The following TENM2 variants were observed in gnomAD, a reference collection of about 807,000 sequenced individuals.
TENM2 encodes the protein teneurin-2.
A neutral mutation model predicts 245.2 loss-of-function variants in TENM2; 52 were observed. The ratio of observed to expected loss-of-function variants is 0.21; its 90% CI spans 0.17 to 0.27. The LOEUF is 0.27. Among genes scored for constraint, TENM2 ranks in the 10% least tolerant of loss-of-function variants. The pLI is 1.00. For synonymous variants in TENM2, 1,363 were observed against 1,438.9 expected (o/e 0.95, Z 1.19); for missense variants, 3,046 against 3,666.8 (o/e 0.83, Z 4.37).
rs373469596 is a variant in TENM2, at chr5:167,469,505, C to T, written c.502+94032C>T. On this transcript the variant is annotated intron_variant, in intron 2 of 28. Transcript: ENST00000518659. ...CTGCTATAGTAAATTATGGCTTTTC[C>T]GACATTTTCTAGAATATTTGTTATT... Among the ~76,000 whole-genome samples the T allele has an allele frequency of 6.6e-5, 10 of 152,012 alleles. No individual in the cohort carries two copies. In the South Asian group the frequency reaches 1.0e-3, roughly 16 times the overall value.
chr5:167,683,965 A>G (rs988154533), intron 2 of TENM2, among the ~76,000 whole-genome samples: 15 of 152,198 alleles, frequency 9.9e-5, no homozygotes, highest in Admixed American at 8.5e-4. Context: ...TGGCTCCCCA[A>G]GCTTTCAAAA....
At chr5:167,303,547 A>G (rs1009744131) in intron 1 of TENM2, among the ~76,000 whole-genome samples, 4 of 152,126 alleles carry the variant, frequency 2.6e-5, no homozygotes, top group Non-Finnish European at 5.9e-5. Context: ...GTCATCAGTT[A>G]AGGCAGGAAC....
At chr5:167,207,616 C>T in the TENM2 span, among the ~76,000 whole-genome samples, 2 of 152,226 alleles carry the variant, frequency 1.3e-5, no homozygotes, top group African/African-American at 4.8e-5. Flanking sequence ...AGAGTCCTCT[C>T]TGTTCCAGGC....
chr5:167,419,641 C>T (rs1763373516), intron 2 of TENM2, among the ~76,000 whole-genome samples: 1 of 152,154 alleles, frequency 6.6e-6, no homozygotes, highest in Non-Finnish European at 1.5e-5. Flanking sequence ...AGCACATCCC[C>T]TGACTAACAC....
intron 3 of TENM2, among the ~76,000 whole-genome samples, chr5:167,912,785 A>G (rs1776649014): frequency 1.3e-5 from 2 of 152,190 alleles, no homozygotes; most frequent in Admixed American, 1.3e-4. Flanking sequence ...CTTTTAGAAC[A>G]CTGATTTTGA....
intron 5 of TENM2, among the ~76,000 whole-genome samples, chr5:168,042,513 T>C (rs972309519): frequency 3.9e-5 from 6 of 152,084 alleles, no homozygotes; most frequent in African/African-American, 9.7e-5. Context: ...ACACATTCCC[T>C]AATTACTATT....
intron 5 of TENM2, among the ~76,000 whole-genome samples, chr5:168,021,758 T>C (rs565526178): frequency 5.6e-4 from 84 of 149,038 alleles, no homozygotes; most frequent in Non-Finnish European, 9.6e-4. Context: ...AAACAGACTG[T>C]CCTACATATT....
chr5:167,141,505 T>C, the TENM2 span, among the ~76,000 whole-genome samples: 1 of 152,098 alleles, frequency 6.6e-6, no homozygotes, highest in African/African-American at 2.4e-5. Context: ...GGGAATGAAA[T>C]TAAACAGGTT....
At chr5:168,064,491 T>A (rs1790325648) in intron 7 of TENM2, among the ~76,000 whole-genome samples, 1 of 152,142 alleles carries the variant, frequency 6.6e-6, no homozygotes, top group South Asian at 2.1e-4. Flanking sequence ...TTGGTAACTC[T>A]CTGTAACTGA....
chr5:167,095,782 T>TG, the TENM2 span, among the ~76,000 whole-genome samples: 1 of 151,464 alleles, frequency 6.6e-6, no homozygotes, highest in African/African-American at 2.4e-5. Flanking sequence ...TTTTTTTTTT[T>TG]TTTTGAGACA....
At chr5:167,104,815 TA>T in the TENM2 span, among the ~76,000 whole-genome samples, 4 of 152,258 alleles carry the variant, frequency 2.6e-5, no homozygotes, top group Non-Finnish European at 4.4e-5. Flanking sequence ...CTCCACCATT[TA>T]AAAAATATAT....
intron 2 of TENM2, among the ~76,000 whole-genome samples, chr5:167,571,566 A>G (rs1413697589): frequency 6.6e-6 from 1 of 152,032 alleles, no homozygotes; most frequent in Non-Finnish European, 1.5e-5. Context: ...AATGATATCC[A>G]CTCAGGGAAC....
At chr5:168,183,855 A>G (rs1488777209) in intron 13 of TENM2, among the ~76,000 whole-genome samples, 2 of 152,112 alleles carry the variant, frequency 1.3e-5, no homozygotes, top group Non-Finnish European at 2.9e-5. Context: ...AAGAAAAAAA[A>G]AACATAGAAA....
chr5:167,491,559 T>C (rs1768428391), intron 2 of TENM2, among the ~76,000 whole-genome samples: 1 of 152,148 alleles, frequency 6.6e-6, no homozygotes, highest in African/African-American at 2.4e-5. Context: ...CACAAACACA[T>C]TGGAAAATTT....
the TENM2 span, among the ~76,000 whole-genome samples, chr5:167,138,543 T>C: frequency 6.6e-6 from 1 of 151,800 alleles, no homozygotes; most frequent in African/African-American, 2.4e-5. Context: ...GCATTGAACT[T>C]TACCTAGCCT....
At chr5:168,087,986 G>A (rs1057394694) in intron 7 of TENM2, among the ~76,000 whole-genome samples, 1 of 152,156 alleles carries the variant, frequency 6.6e-6, no homozygotes, top group African/African-American at 2.4e-5. Context: ...CAAAATAGAT[G>A]TCTTCTCTTT....
At chr5:166,983,878 ATTT>A in the TENM2 span, among the ~76,000 whole-genome samples, 1 of 152,100 alleles carries the variant, frequency 6.6e-6, no homozygotes, top group African/African-American at 2.4e-5. Context: ...TCCATCTCTA[ATTT>A]AGTTCTGCTA....
At chr5:167,357,553 C>A (rs907425850) in intron 1 of TENM2, among the ~76,000 whole-genome samples, 3 of 152,090 alleles carry the variant, frequency 2.0e-5, no homozygotes, top group African/African-American at 7.2e-5. Flanking sequence ...AGCCACTTTG[C>A]CCGGCCGAGC....
the TENM2 span, among the ~76,000 whole-genome samples, chr5:167,261,673 T>C: frequency 6.6e-6 from 1 of 152,210 alleles, no homozygotes; most frequent in African/African-American, 2.4e-5. Context: ...ATTGAAATAT[T>C]AAGGACTCAA....
Sources: allele counts gnomAD v4.1 joint callset (sites outside exome capture counted in the v4.1 genomes callset), GRCh38; gene constraint gnomAD v4.1.1; transcripts MANE v1.5; gene names NCBI Gene and HGNC (gene_info 2026-07-23, HGNC 2026-07-21).